JPT1: variants seen among roughly 807,000 people sequenced by gnomAD.
JPT1 encodes the protein androgen-regulated protein 2.
A neutral mutation model predicts 17.0 loss-of-function variants in JPT1; 5 were observed. The ratio of observed to expected loss-of-function variants is 0.29; its 90% CI spans 0.15 to 0.62. JPT1 has a LOEUF of 0.62. Among genes scored for constraint, JPT1 ranks in the 20% least tolerant of loss-of-function variants. JPT1 has a pLI of 0.85. For missense variants in JPT1, 158 were observed against 188.1 expected, an observed-to-expected ratio of 0.84 and a Z score of 0.94; for synonymous variants, 71 against 73.6, an observed-to-expected ratio of 0.96 and a Z score of 0.18.
intron 4 of JPT1, among the ~76,000 whole-genome samples, chr17:75,142,246 A>T (rs2074327773): frequency 6.6e-6 from 1 of 151,952 alleles, no homozygotes; most frequent in Admixed American, 6.6e-5. Context: ...TCTGACAGTG[A>T]AAGTATTCAG....
chr17:75,150,896 C>T (rs1240857986), intron 1 of JPT1, among the ~76,000 whole-genome samples: 7 of 136,350 alleles, frequency 5.1e-5, no homozygotes, highest in African/African-American at 1.9e-4. Context: ...CTCTGTTGCC[C>T]AGGCTGGACT....
intron 4 of JPT1, 99 bp downstream of exon 4, chr17:75,146,567 C>A: frequency 1.1e-6 from 1 of 890,460 alleles, no homozygotes; most frequent in Non-Finnish European, 1.7e-6. Context: ...CCAGGTTTCA[C>A]TCCCCAGTCT....
At chr17:75,147,900 G>A (rs1387649215) in intron 2 of JPT1, 1 of 420,940 alleles carries the variant, frequency 2.4e-6, no homozygotes, top group African/African-American at 2.0e-5. Context: ...TCGGGAGGCT[G>A]AGGCAGAAGA....
At chr17:75,139,448 A>G (rs1283341122) in intron 4 of JPT1, among the ~76,000 whole-genome samples, 2 of 152,288 alleles carry the variant, frequency 1.3e-5, no homozygotes, top group South Asian at 2.1e-4. Flanking sequence ...TCACAAATAC[A>G]TAACATACTA....
At chr17:75,146,899 G>A (rs552436124) in intron 3 of JPT1, 11 of 489,926 alleles carry the variant, frequency 2.2e-5, no homozygotes, top group Middle Eastern at 5.6e-4. Context: ...CTAGTACCAC[G>A]TCTACAACAA....
At chr17:75,144,279 T>C (rs1568032496) in intron 4 of JPT1, among the ~76,000 whole-genome samples, 1 of 152,078 alleles carries the variant, frequency 6.6e-6, no homozygotes, top group Non-Finnish European at 1.5e-5. Context: ...CTCAATACTT[T>C]TGGAGGCTGA....
rs576925857 is a variant in JPT1, at chr17:75,150,372, G to C, written c.57-1701C>G. On this transcript the variant is annotated intron_variant, in intron 1 of 4. Coordinates refer to ENST00000409753, the MANE Select transcript of JPT1 (RefSeq NM_016185.4). ...GGGTTCAAGCGATTCTCCTGCCTCA[G>C]CCCCTGAGTAGCTGGGATTACAGGT... 7.6e-3 allele frequency among the ~76,000 whole-genome samples: 1,152 copies of C among 152,060 alleles called. 8 individuals carry two copies. Among genetic ancestry groups the C allele is most frequent in the Non-Finnish European group, 0.012 (836 of 67,990 alleles).
At chr17:75,139,460 T>G (rs1026111533) in intron 4 of JPT1, among the ~76,000 whole-genome samples, 2 of 151,948 alleles carry the variant, frequency 1.3e-5, no homozygotes, top group Non-Finnish European at 2.9e-5. Flanking sequence ...AACATACTAA[T>G]AAAGAAGAAG....
intron 1 of JPT1, among the ~76,000 whole-genome samples, chr17:75,152,141 T>C (rs2074564392): frequency 6.6e-6 from 1 of 152,204 alleles, no homozygotes; most frequent in African/African-American, 2.4e-5. Flanking sequence ...AATAGTGAGA[T>C]ATCCCCAAAC....
chr17:75,146,577 T>C (rs942871953), intron 4 of JPT1, 89 bp downstream of exon 4: 7 of 1,031,980 alleles, frequency 6.8e-6, no homozygotes, highest in African/African-American at 1.6e-5. Context: ...CTCCCCAGTC[T>C]CTTTCCCCAA....
intron 4 of JPT1, among the ~76,000 whole-genome samples, chr17:75,144,273 A>T (rs138387590): frequency 6.6e-6 from 1 of 152,168 alleles, no homozygotes; most frequent in African/African-American, 2.4e-5. Flanking sequence ...TGTAATCTCA[A>T]TACTTTTGGA....
intron 1 of JPT1, among the ~76,000 whole-genome samples, chr17:75,150,859 T>TTTTTTTTTTTTTTTGTTTTG (rs2074537720): frequency 4.3e-5 from 6 of 140,272 alleles, no homozygotes; most frequent in Non-Finnish European, 9.4e-5. Flanking sequence ...TTTTTTTTTT[T>TTTTTTTTTTTTTTTGTTTTG]TTTTTTTTTT....
intron 4 of JPT1, chr17:75,138,335 C>A (rs892482457): frequency 6.6e-6 from 1 of 151,804 alleles, no homozygotes; most frequent in Non-Finnish European, 1.5e-5. Context: ...CTAAGATATT[C>A]GTAAAAATAT....
chr17:75,149,735 G>C (rs748192315), intron 1 of JPT1, among the ~76,000 whole-genome samples: 2 of 151,998 alleles, frequency 1.3e-5, no homozygotes, highest in Non-Finnish European at 2.9e-5. Flanking sequence ...ACTTGGGCAC[G>C]ATCAGTAGCA....
At chr17:75,142,723 G>A (rs1313272816) in intron 4 of JPT1, 3 of 453,988 alleles carry the variant, frequency 6.6e-6, no homozygotes, top group Non-Finnish European at 1.3e-5. Flanking sequence ...GAGGGAAGAA[G>A]GAAGGAAGCA....
chr17:75,142,441 C>T (rs2074332193), intron 4 of JPT1, among the ~76,000 whole-genome samples: 1 of 150,842 alleles, frequency 6.6e-6, no homozygotes, highest in African/African-American at 2.4e-5. Flanking sequence ...CCCTTGTAAT[C>T]CCAGCTACGC....
chr17:75,135,994 G>A lies in JPT1; in HGVS notation c.*108C>T. The A allele has an allele frequency of 6.2e-7, 1 of 1,605,616 alleles. No individual in the cohort carries two copies. The highest frequency in any genetic ancestry group is 8.5e-7 in the Non-Finnish European group (1 of 1,175,182). On this transcript the variant is annotated 3_prime_UTR_variant, in exon 5 of 5. Transcript: ENST00000409753. ...AAAAAAAGACAGCAGTACATAAAGT[G>A]CTTCTTTTTAATGAAACAAATCCAA...
In JPT1 at chr17:75,146,636, G is replaced by A. The variant is rs548250702; in HGVS notation, c.316+30C>T. 2.6e-6 allele frequency: 4 copies of A among 1,515,020 alleles called. No homozygotes were observed. In the South Asian group the frequency reaches 3.6e-5, roughly 14 times the overall value. The allele number at this position is 1,515,020 out of a possible 1,614,324, so 93.8% of individuals were successfully genotyped here. ...GATCTGTCCTAAAACCATGGACAGA[G>A]CCAGAAATTTGGTCTTCAGAAGTAC... On this transcript the variant is annotated intron_variant, in intron 4 of 4. Transcript: ENST00000409753.
In JPT1 at chr17:75,150,857, T is replaced by C. The variant is rs1358959026; in HGVS notation, c.57-2186A>G. The stretch of plus-strand genomic sequence containing the variant: ...GCAACATTTTTCTTTCTTTTTTTTT[T>C]TTTTTTTTTTTTTTGAGACAGAATC... On this transcript the variant is annotated intron_variant, in intron 1 of 4. Coordinates refer to ENST00000409753, the MANE Select transcript of JPT1 (RefSeq NM_016185.4). Among the ~76,000 whole-genome samples, 12 of 142,200 alleles carry C rather than the reference T, an allele frequency of 8.4e-5. No homozygotes were observed. In the East Asian group the frequency reaches 1.2e-3, roughly 14 times the overall value. The allele number at this position is 142,200 out of a possible 152,430, so 93.3% of individuals were successfully genotyped here.
Sources: gnomAD v4.1 joint callset for allele counts (sites outside exome capture counted in the v4.1 genomes callset) on GRCh38, gnomAD v4.1.1 for gene constraint, MANE v1.5 for transcripts, NCBI Gene and HGNC (gene_info 2026-07-23, HGNC 2026-07-21) for gene names.